OPCML: variants seen among roughly 807,000 people sequenced by gnomAD.
OPCML encodes the protein opioid-binding protein/cell adhesion molecule.
OPCML carries 13 observed loss-of-function variants against 37.8 expected under a neutral mutation model. The observed-to-expected ratio is 0.34, with a 90% CI of 0.22 to 0.55. The LOEUF (loss-of-function observed/expected upper bound fraction) is 0.55. OPCML is among the 20% of genes least tolerant of loss of function. OPCML has a pLI of 0.91. For missense variants in OPCML, 341 were observed against 435.6 expected (o/e 0.78, Z 1.93); for synonymous variants, 176 against 168.8 (o/e 1.04, Z -0.33).
intron 1 of OPCML, among the ~76,000 whole-genome samples, chr11:133,042,448 G>A (rs913364060): frequency 6.6e-6 from 1 of 152,204 alleles, no homozygotes; most frequent in Non-Finnish European, 1.5e-5. Flanking sequence ...CCTTACAGGT[G>A]GGCAGGCAGA....
chr11:133,162,525 T>C (rs1592062489), intron 1 of OPCML, among the ~76,000 whole-genome samples: 1 of 152,184 alleles, frequency 6.6e-6, no homozygotes, highest in Non-Finnish European at 1.5e-5. Flanking sequence ...GTGCTGGCAG[T>C]GCAGGGAGAG....
chr11:132,734,637 A>G (rs375673642), intron 2 of OPCML, among the ~76,000 whole-genome samples: 2 of 152,314 alleles, frequency 1.3e-5, no homozygotes, highest in East Asian at 3.9e-4. Context: ...CTGGCCCACA[A>G]AACTTGTAGG....
intron 2 of OPCML, among the ~76,000 whole-genome samples, chr11:132,768,190 C>A (rs947997868): frequency 1.3e-5 from 2 of 152,182 alleles, no homozygotes; most frequent in Non-Finnish European, 2.9e-5. Flanking sequence ...ATTGGAGACG[C>A]GTAAAGGGCT....
intron 1 of OPCML, among the ~76,000 whole-genome samples, chr11:133,320,961 A>C (rs1489422372): frequency 3.5e-4 from 54 of 152,276 alleles, no homozygotes; most frequent in Non-Finnish European, 2.9e-5. Context: ...AAGGCAGAAA[A>C]CAGAGAGCCA....
chr11:133,179,754 G>A (rs74967213), intron 1 of OPCML, among the ~76,000 whole-genome samples: 2 of 152,158 alleles, frequency 1.3e-5, no homozygotes, highest in Non-Finnish European at 2.9e-5. Context: ...ACTACACCTC[G>A]AAGGTAAGGT....
chr11:133,227,765 T>C (rs1206401959), intron 1 of OPCML, among the ~76,000 whole-genome samples: 1 of 152,166 alleles, frequency 6.6e-6, no homozygotes, highest in African/African-American at 2.4e-5. Context: ...GGAGGCCACC[T>C]GCCTCCCCAG....
intron 2 of OPCML, among the ~76,000 whole-genome samples, chr11:132,834,342 C>A (rs548788714): frequency 2.6e-5 from 4 of 152,106 alleles, no homozygotes; most frequent in Admixed American, 1.3e-4. Context: ...CTCCCCAGTC[C>A]GCGAATGCTA....
intron 2 of OPCML, among the ~76,000 whole-genome samples, chr11:132,814,577 A>C (rs1939524144): frequency 6.6e-6 from 1 of 152,228 alleles, no homozygotes; most frequent in African/African-American, 2.4e-5. Context: ...GTGACTACTC[A>C]TATTAAAAAG....
intron 1 of OPCML, among the ~76,000 whole-genome samples, chr11:133,194,312 G>A (rs1315160373): frequency 1.3e-5 from 2 of 148,466 alleles, no homozygotes; most frequent in African/African-American, 5.0e-5. Context: ...CCAGGCTCAA[G>A]CAATTCTCCT....
rs191095658 is a variant in OPCML at position 132,450,378 on chromosome 11, G to A, written c.506-13019C>T. Among the ~76,000 whole-genome samples, 238 of 152,298 alleles carry A rather than the reference G, an allele frequency of 1.6e-3. 2 individuals are homozygous for A. In the South Asian group the frequency reaches 0.021, roughly 13 times the overall value. Reference sequence around the variant, plus strand: ...CAGAGCAGGCCTGGACTGCAGGATCGTGGATAGAAACAGGTAGTTTGGAAG... The same window carrying A: ...CAGAGCAGGCCTGGACTGCAGGATCATGGATAGAAACAGGTAGTTTGGAAG... On this transcript the variant is annotated intron_variant, in intron 4 of 7. Coordinates refer to ENST00000524381, the MANE Select transcript of OPCML (RefSeq NM_001012393.5).
chr11:132,922,484 C>G (rs956385153), intron 2 of OPCML, among the ~76,000 whole-genome samples: 1 of 152,008 alleles, frequency 6.6e-6, no homozygotes, highest in Non-Finnish European at 1.5e-5. Context: ...TGCGGGAAGA[C>G]GGAGCACCGA....
At chr11:132,738,620 C>T (rs1945333270) in intron 2 of OPCML, among the ~76,000 whole-genome samples, 3 of 152,182 alleles carry the variant, frequency 2.0e-5, no homozygotes, top group African/African-American at 4.8e-5. Context: ...CTCCCTTCTA[C>T]AGTGTCCATG....
Position 133,141,098 on chromosome 11 carries a change from A to AAGAAGAAGAAGAAGAAGG in OPCML, c.62-198089_62-198088insCCTTCTTCTTCTTCTTCT, listed in dbSNP as rs1336454310. 2.8e-5 allele frequency among the ~76,000 whole-genome samples: 4 copies of AAGAAGAAGAAGAAGAAGG among 143,384 alleles called. 1 individual carries two copies. The highest frequency in any genetic ancestry group is 1.0e-4 in the African/African-American group (4 of 39,492). 94.1% of individuals were successfully genotyped at this position (143,384 alleles called of 152,430 possible). ...GAAGAAGAAGAAGAAGAAGAAGGAG[A>AAGAAGAAGAAGAAGAAGG]AGAAGAAGCAGCTGAATGCCAAAGT... On this transcript the variant is annotated intron_variant, in intron 1 of 7. Coordinates refer to ENST00000524381, the MANE Select transcript of OPCML (RefSeq NM_001012393.5).
At chr11:132,453,843 A>G (rs1174905620) in intron 4 of OPCML, among the ~76,000 whole-genome samples, 2 of 152,104 alleles carry the variant, frequency 1.3e-5, no homozygotes, top group Non-Finnish European at 1.5e-5. Context: ...GGAGGAAGAG[A>G]CATTCTGGAA....
chr11:132,553,531 G>T (rs2096387236), intron 3 of OPCML, among the ~76,000 whole-genome samples: 1 of 152,206 alleles, frequency 6.6e-6, no homozygotes, highest in South Asian at 2.1e-4. Context: ...ATAGCTGAGT[G>T]CATCTCTGTG....
chr11:132,644,965 T>C (rs1452756598), intron 3 of OPCML, among the ~76,000 whole-genome samples: 1 of 152,232 alleles, frequency 6.6e-6, no homozygotes, highest in African/African-American at 2.4e-5. Flanking sequence ...TTAATTGACC[T>C]GAACACAGTT....
At chr11:133,432,546 T>C (rs1383033343) in intron 1 of OPCML, among the ~76,000 whole-genome samples, 1 of 152,140 alleles carries the variant, frequency 6.6e-6, no homozygotes, top group African/African-American at 2.4e-5. Context: ...CAGTTTTTTG[T>C]ATTTATTCTG....
Position 133,504,379 on chromosome 11 carries a change from C to T in OPCML, c.61+27885G>A, listed in dbSNP as rs116982320. On this transcript the variant is annotated intron_variant, in intron 1 of 7. Transcript: ENST00000524381. ...AAAGTCTAAAATAGTTTCTGTCTGA[C>T]CCTTCACAAAATACATTTGCTGACC... Among the ~76,000 whole-genome samples the T allele has an allele frequency of 2.2e-3, 341 of 152,254 alleles. 1 individual carries two copies. The highest frequency in any genetic ancestry group is 3.5e-3 in the Non-Finnish European group (237 of 68,012).
Position 133,140,939 on chromosome 11 carries a change from A to ACG in OPCML, c.62-197930_62-197929insCG, listed in dbSNP as rs1332775089. ...GAAGAAGACGACGACGACGAAGAAG[A>ACG]AGAAGACGACGAAGAAGAAGAAGAA... On this transcript the variant is annotated intron_variant, in intron 1 of 7. Transcript: ENST00000524381. Among the ~76,000 whole-genome samples, 93 of 19,584 alleles carry ACG rather than the reference A, an allele frequency of 4.7e-3. 6 individuals carry two copies. Among genetic ancestry groups the ACG allele is most frequent in the African/African-American group, 8.9e-3 (92 of 10,312 alleles). The allele number at this position is 19,584 out of a possible 152,430, so 12.8% of individuals were successfully genotyped here.
Sources: gnomAD v4.1 joint callset for allele counts (sites outside exome capture counted in the v4.1 genomes callset) on GRCh38, gnomAD v4.1.1 for gene constraint, MANE v1.5 for transcripts, NCBI Gene and HGNC (gene_info 2026-07-23, HGNC 2026-07-21) for gene names.